The following PF4 variants were observed in gnomAD, a reference collection of about 807,000 sequenced individuals.
The protein encoded by PF4 is platelet factor 4, also known as C-X-C motif chemokine 4.
Under a neutral mutation model 6.9 loss-of-function variants are expected in PF4, and 8 were observed. The observed-to-expected ratio is 1.16, with a 90% CI of 0.68 to 2.09. PF4 has a LOEUF of 2.09. PF4 is among the 30% of genes most tolerant of loss of function. PF4 has a pLI of 0.00. For synonymous variants in PF4, 55 were observed against 56.5 expected (o/e 0.97, Z 0.12); for missense variants, 111 against 122.9 (o/e 0.90, Z 0.46).
At chr4:73,981,624 C>A (rs1358465190) in intron 1 of PF4, 81 bp from the exon 2 acceptor site, 89 of 1,525,002 alleles carry the variant, frequency 5.8e-5, no homozygotes, top group Non-Finnish European at 2.0e-5. Flanking sequence ...ACTTTAGGGA[C>A]TTTTTCCACT....
rs551020582 is a variant in PF4, at chr4:73,981,019, T to C, written c.*185A>G. 1.7e-6 allele frequency: 1 copy of C among 578,720 alleles called. No homozygotes were observed. Among genetic ancestry groups the C allele is most frequent in the African/African-American group, 1.9e-5 (1 of 53,620 alleles). The allele number at this position is 578,720 out of a possible 1,614,324, so 35.8% of individuals were successfully genotyped here. The stretch of plus-strand genomic sequence containing the variant: ...GGAATTTTTTTCTTCCATGAAATTG[T>C]TATGTGTCAACACAATTTTTGCACT... On this transcript the variant is annotated 3_prime_UTR_variant, in exon 3 of 3. Coordinates refer to ENST00000296029, the MANE Select transcript of PF4 (RefSeq NM_002619.4).
chr4:73,981,792 T>C, intron 1 of PF4, 71 bp downstream of exon 1: 1 of 1,525,578 alleles, frequency 6.6e-7, no homozygotes, highest in Non-Finnish European at 8.8e-7. Context: ...AGAGGATTCC[T>C]CCCCAGCCCC....
Position 73,981,188 on chromosome 4 carries a change from C to T in PF4, c.*16G>A, listed in dbSNP as rs556219221. On this transcript the variant is annotated 3_prime_UTR_variant, in exon 3 of 3. Coordinates refer to ENST00000296029, the MANE Select transcript of PF4 (RefSeq NM_002619.4). Reference sequence around the variant, plus strand: ...GTATGCTATATAGCAAATGCACACACGTAGGCAGCTAGTAGCTAACTCTCC... The same window carrying T: ...GTATGCTATATAGCAAATGCACACATGTAGGCAGCTAGTAGCTAACTCTCC... 5.7e-6 allele frequency: 9 copies of T among 1,585,248 alleles called. No individual in the cohort carries two copies. The highest frequency in any genetic ancestry group is 1.7e-5 in the Admixed American group (1 of 59,998).
intron 1 of PF4, 38 bp downstream of exon 1, chr4:73,981,825 G>C (rs988259159): frequency 3.2e-6 from 5 of 1,547,554 alleles, no homozygotes; most frequent in Non-Finnish European, 4.4e-6. Context: ...ACTCCCCCTC[G>C]CCGCTGCCAG....
rs756052383 is a variant in PF4, at chr4:73,981,471, A to G, written c.164T>C (p.Ile55Thr). 2 of 1,614,174 alleles carry G rather than the reference A, an allele frequency of 1.2e-6. No homozygotes were observed. The highest frequency in any genetic ancestry group is 3.3e-4 in the Middle Eastern group (2 of 6,062). ...KTTSQVRPRH[I>T]TSLEVIKAGP... Reference sequence around the variant, plus strand: ...GGCCTTGATCACCTCCAGGCTGGTGATGTGCCTGGGACGGACCTGGGAGGT... The same window carrying G: ...GGCCTTGATCACCTCCAGGCTGGTGGTGTGCCTGGGACGGACCTGGGAGGT... The change falls in exon 2 of 3, where the codon ATC (isoleucine) becomes ACC (threonine). Residue 55 changes from isoleucine to threonine, a missense_variant. Coordinates refer to ENST00000296029, the MANE Select transcript of PF4 (RefSeq NM_002619.4).
intron 1 of PF4, 51 bp downstream of exon 1, chr4:73,981,812 C>T: frequency 6.5e-7 from 1 of 1,543,786 alleles, no homozygotes; most frequent in African/African-American, 1.4e-5. Context: ...CAGGGCTTCC[C>T]GGACTCCCCC....
chr4:73,980,989 A>G lies in PF4; in HGVS notation c.*215T>C, dbSNP rs759798519. On this transcript the variant is annotated 3_prime_UTR_variant, in exon 3 of 3. Transcript: ENST00000296029. ...TCCTTCAAAATACTTTTTGCTTAAA[A>G]TACCGGAATTTTTTTCTTCCATGAA... 1.8e-4 allele frequency: 99 copies of G among 548,098 alleles called. No homozygotes were observed. The highest frequency in any genetic ancestry group is 2.8e-4 in the Non-Finnish European group (87 of 309,580). The allele number at this position is 548,098 out of a possible 1,614,324, so 34.0% of individuals were successfully genotyped here.
Position 73,981,915 on chromosome 4 carries a change from C to G in PF4, c.39G>C (p.Gly13=). The G allele has an allele frequency of 6.4e-7, 1 of 1,551,184 alleles. No homozygotes were observed. Residue 13 remains glycine, a synonymous_variant, in exon 1 of 3, where the codon GGG becomes GGC. Coordinates refer to ENST00000296029, the MANE Select transcript of PF4 (RefSeq NM_002619.4). Reference sequence around the variant, plus strand: ...GGAGCAGCAACCCCAGGAACAGCAGCCCGGGGCGTGAGGCGCAGAACCCGG... The same window carrying G: ...GGAGCAGCAACCCCAGGAACAGCAGGCCGGGGCGTGAGGCGCAGAACCCGG... ...SAAGFCASRP[G]LLFLGLLLLP... is the part of the protein sequence containing the mutation.
chr4:73,981,797 AG>A (rs1372892798), intron 1 of PF4, 65 bp downstream of exon 1: 10 of 1,531,064 alleles, frequency 6.5e-6, no homozygotes, highest in Non-Finnish European at 8.8e-6. Context: ...ATTCCTCCCC[AG>A]CCCCAGGGCT....
Position 73,981,069 on chromosome 4 carries a change from A to G in PF4, c.*135T>C. 1 of 683,656 alleles carries G rather than the reference A, an allele frequency of 1.5e-6. No individual in the cohort carries two copies. Among genetic ancestry groups the G allele is most frequent in the South Asian group, 2.0e-5 (1 of 50,408 alleles). 42.3% of individuals were successfully genotyped at this position (683,656 alleles called of 1,614,324 possible). A position where few individuals can be genotyped will look rare whatever the true frequency, so the allele number is the denominator to read the frequency against. ...TATTATTAAGAAGTATTTTGACTATACTACAACTTGATTTATTTTGTTTAT... is the reference window on the plus strand; with the variant it reads ...TATTATTAAGAAGTATTTTGACTATGCTACAACTTGATTTATTTTGTTTAT... On this transcript the variant is annotated 3_prime_UTR_variant, in exon 3 of 3. Transcript: ENST00000296029.
chr4:73,981,780 C>G, intron 1 of PF4, 83 bp downstream of exon 1: 3 of 1,517,544 alleles, frequency 2.0e-6, no homozygotes, highest in Non-Finnish European at 2.7e-6. Flanking sequence ...GATCATGATC[C>G]TAGAGGATTC....
rs4694 is a variant in PF4, at chr4:73,981,270, C to G, written c.240G>C (p.Arg80Ser). 1.3e-5 allele frequency: 21 copies of G among 1,614,078 alleles called. No individual in the cohort carries two copies. The highest frequency in any genetic ancestry group is 1.8e-5 in the Non-Finnish European group (21 of 1,180,038). The change falls in exon 3 of 3, where the codon AGG (arginine) becomes AGC (serine). Residue 80 changes from arginine (R) to serine (S), a missense_variant. Transcript: ENST00000296029. ...AQLIATLKNG[R>S]KICLDLQAPL... ...GGGCTTGCAGGTCCAAGCAAATTTT[C>G]CTTCCATTCTTCAGCGTGGCTCTGG...
rs2109810284 is a variant in PF4 at position 73,980,818 on chromosome 4, A to G, written c.*386T>C. ...TCTTATTTATTTACTTAATTTTTTA[A>G]AAGCCATCTGTGTTACTGATATTTA... On this transcript the variant is annotated 3_prime_UTR_variant, in exon 3 of 3. Coordinates refer to ENST00000296029, the MANE Select transcript of PF4 (RefSeq NM_002619.4). Among the ~76,000 whole-genome samples, 1 of 152,324 alleles carries G rather than the reference A, an allele frequency of 6.6e-6. No homozygotes were observed. The highest frequency in any genetic ancestry group is 1.9e-4 in the East Asian group (1 of 5,184).
In PF4 at chr4:73,980,982, G is replaced by A. The variant is rs1205536010; in HGVS notation, c.*222C>T. The A allele has an allele frequency of 3.7e-6, 2 of 536,704 alleles. No individual in the cohort carries two copies. Among genetic ancestry groups the A allele is most frequent in the African/African-American group, 3.8e-5 (2 of 52,690 alleles). The allele number at this position is 536,704 out of a possible 1,614,324, so 33.2% of individuals were successfully genotyped here. A position where few individuals can be genotyped will look rare whatever the true frequency, so the allele number is the denominator to read the frequency against. ...CACACCTTCCTTCAAAATACTTTTT[G>A]CTTAAAATACCGGAATTTTTTTCTT... is the stretch of plus-strand genomic sequence containing the variant. On this transcript the variant is annotated 3_prime_UTR_variant, in exon 3 of 3. Transcript: ENST00000296029.
At position 73,981,482 on chromosome 4, in the gene PF4, A is replaced by T; in HGVS notation, c.153T>A (p.Arg51=). The change falls in exon 2 of 3, where the codon CGT becomes CGA. Residue 51 remains arginine, a synonymous_variant. Transcript: ENST00000296029. ...CLCVKTTSQV[R]PRHITSLEVI... The stretch of plus-strand genomic sequence containing the variant: ...CCTCCAGGCTGGTGATGTGCCTGGG[A>T]CGGACCTGGGAGGTGGTCTTCACAC... 3 of 1,614,136 alleles carry T rather than the reference A, an allele frequency of 1.9e-6. No homozygotes were observed. The highest frequency in any genetic ancestry group is 2.5e-6 in the Non-Finnish European group (3 of 1,180,024).
intron 1 of PF4, 47 bp downstream of exon 1, chr4:73,981,816 C>T: frequency 6.5e-7 from 1 of 1,545,276 alleles, no homozygotes; most frequent in South Asian, 1.2e-5. Flanking sequence ...GCTTCCCGGA[C>T]TCCCCCTCGC....
chr4:73,981,675 C>G (rs1387790317), intron 1 of PF4, 132 bp from the exon 2 acceptor site: 1 of 1,479,574 alleles, frequency 6.8e-7, no homozygotes, highest in Non-Finnish European at 9.0e-7. Flanking sequence ...CACACCTCCC[C>G]CAGACAGAAG....
In PF4 at chr4:73,981,033, A is replaced by C. The variant is rs922058787; in HGVS notation, c.*171T>G. 3.4e-6 allele frequency: 2 copies of C among 595,392 alleles called. No individual in the cohort carries two copies. Among genetic ancestry groups the C allele is most frequent in the Admixed American group, 6.2e-5 (2 of 32,324 alleles). The allele number at this position is 595,392 out of a possible 1,614,324, so 36.9% of individuals were successfully genotyped here. A position where few individuals can be genotyped will look rare whatever the true frequency, so the allele number is the denominator to read the frequency against. ...CCATGAAATTGTTATGTGTCAACACAATTTTTGCACTATTATTAAGAAGTA... is the reference window on the plus strand; with the variant it reads ...CCATGAAATTGTTATGTGTCAACACCATTTTTGCACTATTATTAAGAAGTA... On this transcript the variant is annotated 3_prime_UTR_variant, in exon 3 of 3. Coordinates refer to ENST00000296029, the MANE Select transcript of PF4 (RefSeq NM_002619.4).
At position 73,981,101 on chromosome 4, in the gene PF4, T is replaced by C. The variant is rs1279323841; in HGVS notation, c.*103A>G. 29 of 795,344 alleles carry C rather than the reference T, an allele frequency of 3.6e-5. No individual in the cohort carries two copies. Among genetic ancestry groups the C allele is most frequent in the Non-Finnish European group, 5.5e-5 (27 of 488,082 alleles). 49.3% of individuals were successfully genotyped at this position (795,344 alleles called of 1,614,324 possible). On this transcript the variant is annotated 3_prime_UTR_variant, in exon 3 of 3. Transcript: ENST00000296029. ...CTTGATTTATTTTGTTTATTTAAAA[T>C]CATAAGGATAACACAAATATCAGAA...
Sources: gnomAD v4.1 joint callset for allele counts (sites outside exome capture counted in the v4.1 genomes callset) on GRCh38, gnomAD v4.1.1 for gene constraint, MANE v1.5 for transcripts, NCBI Gene and HGNC (gene_info 2026-07-23, HGNC 2026-07-21) for gene names.